The following GGT1 variants were observed in gnomAD, a reference collection of about 807,000 sequenced individuals.
The protein encoded by GGT1 is gamma-glutamyltransferase 1, also known as glutathione hydrolase 1 proenzyme.
In GGT1, 21 loss-of-function variants were observed where a neutral mutation model predicts 56.0. That is an observed-to-expected ratio of 0.38 (90% CI 0.27 to 0.54). The LOEUF (loss-of-function observed/expected upper bound fraction) is 0.54, where lower values mean the gene tolerates loss of function less well. Ranked by LOEUF, GGT1 falls within the 20% of genes least tolerant of loss-of-function variation. The pLI is 0.82. For synonymous variants in GGT1, 238 were observed against 342.6 expected, an observed-to-expected ratio of 0.69 and a Z score of 3.37; for missense variants, 466 against 787.0, an observed-to-expected ratio of 0.59 and a Z score of 4.88.
At chr22:24,611,770 A>C (rs957791556) in intron 5 of GGT1, among the ~76,000 whole-genome samples, 1 of 123,742 alleles carries the variant, frequency 8.1e-6, no homozygotes, top group Non-Finnish European at 1.7e-5. Context: ...ACGCCCAACA[A>C]ATTTGTGTGT....
At chr22:24,613,534 G>A (rs571852583) in intron 5 of GGT1, among the ~76,000 whole-genome samples, 10 of 149,924 alleles carry the variant, frequency 6.7e-5, no homozygotes, top group Admixed American at 1.3e-4. Flanking sequence ...CAGACCACCC[G>A]AGGTCAGGAG....
Position 24,605,999 on chromosome 22 carries a change from T to A in GGT1, c.-428-1955T>A, listed in dbSNP as rs558253663. The stretch of plus-strand genomic sequence containing the variant: ...ATATCATATATTATATTTATATAAT[T>A]TATATAATATATCATATATTATATT... On this transcript the variant is annotated intron_variant, in intron 1 of 15. Transcript: ENST00000400382. 3.4e-5 allele frequency among the ~76,000 whole-genome samples: 2 copies of A among 59,584 alleles called. 1 individual carries two copies. The highest frequency in any genetic ancestry group is 5.7e-5 in the Non-Finnish European group (2 of 35,118). The allele number at this position is 59,584 out of a possible 152,430, so 39.1% of individuals were successfully genotyped here. A position where few individuals can be genotyped will look rare whatever the true frequency, so the allele number is the denominator to read the frequency against.
chr22:24,615,314 G>A (rs1430929943), intron 7 of GGT1, among the ~76,000 whole-genome samples, 187 bp downstream of exon 7: 6 of 152,272 alleles, frequency 3.9e-5, no homozygotes, highest in East Asian at 3.9e-4. Flanking sequence ...GTAAAGGGCC[G>A]GGAGCTTCTG....
rs755519106 is a variant in GGT1 at position 24,615,025 on chromosome 22, C to T, written c.296-16C>T. On this transcript the variant is annotated splice_polypyrimidine_tract_variant and intron_variant, in intron 6 of 15. Coordinates refer to ENST00000400382, the MANE Select transcript of GGT1 (RefSeq NM_001288833.2). ...GGTTTGGGTGGGCGGGCCTGCCTAC[C>T]TGCTTCTCCTTCTAGGAAAAGCTGA... is the stretch of plus-strand genomic sequence containing the variant. 146 of 1,609,022 alleles carry T rather than the reference C, an allele frequency of 9.1e-5. No homozygotes were observed. In the Middle Eastern group the frequency reaches 1.2e-3, roughly 14 times the overall value.
At chr22:24,621,119 C>T (rs772247661) in intron 9 of GGT1, 49 bp downstream of exon 9, 2 of 1,544,364 alleles carry the variant, frequency 1.3e-6, no homozygotes, top group South Asian at 2.4e-5. Context: ...GCAGTGGAAA[C>T]CCTGAGCTGT....
At chr22:24,621,724 G>A (rs536137214) in intron 9 of GGT1, among the ~76,000 whole-genome samples, 2 of 152,280 alleles carry the variant, frequency 1.3e-5, no homozygotes, top group South Asian at 2.1e-4. Flanking sequence ...GAGGCCAAGC[G>A]GCAGGGAGAC....
chr22:24,588,800 T>C, the GGT1 span: 6 of 1,016,078 alleles, frequency 5.9e-6, no homozygotes, highest in Non-Finnish European at 5.9e-6. Context: ...CAAGCGAGAC[T>C]GCGCCTGCGG....
chr22:24,594,337 G>A (rs1171708247), upstream of GGT1, among the ~76,000 whole-genome samples: 1 of 151,920 alleles, frequency 6.6e-6, no homozygotes. Flanking sequence ...TGCAGGAAGG[G>A]CTGAGCACTG....
At chr22:24,586,328 T>G in the GGT1 span, 6 of 1,613,850 alleles carry the variant, frequency 3.7e-6, no homozygotes, top group African/African-American at 8.0e-5. Flanking sequence ...TGTGATGTGT[T>G]GCACGTCCTG....
At chr22:24,589,189 C>T in the GGT1 span, 2 of 1,197,678 alleles carry the variant, frequency 1.7e-6, no homozygotes, top group African/African-American at 1.6e-5. Context: ...TGGCTGGTCA[C>T]AGCCACACAT....
intron 1 of GGT1, among the ~76,000 whole-genome samples, chr22:24,607,331 C>T (rs970737122): frequency 6.6e-6 from 1 of 152,098 alleles, no homozygotes; most frequent in Admixed American, 6.6e-5. Context: ...ACTACTCCAC[C>T]GCCTCCAGAG....
chr22:24,592,359 G>A (rs1169857806), upstream of GGT1: 3 of 470,764 alleles, frequency 6.4e-6, no homozygotes, highest in Non-Finnish European at 1.3e-5. Context: ...ATGGTGTCTT[G>A]GGGTGAGGCT....
rs1232281995 is a variant in GGT1 at position 24,614,889 on chromosome 22, T to C, written c.278T>C (p.Ile93Thr). 3 of 1,613,118 alleles carry C rather than the reference T, an allele frequency of 1.9e-6. No individual in the cohort carries two copies. The highest frequency in any genetic ancestry group is 2.5e-6 in the Non-Finnish European group (3 of 1,179,690). ...ATCGGGGGTGGCCTCTTCCTCACCA[T>C]CTACAACAGCACCACACGTGAGTGC... is the stretch of plus-strand genomic sequence containing the variant. ...MGIGGGLFLT[I>T]YNSTTRKAEV... Residue 93 changes from isoleucine (I) to threonine (T), a missense_variant, in exon 6 of 16, where the codon ATC (isoleucine) becomes ACC (threonine). By Grantham distance (89) the Ile-to-Thr change is moderately conservative (BLOSUM62 -1). Transcript: ENST00000400382.
At chr22:24,599,356 C>T (rs1292503558), upstream of GGT1, 1 of 150,418 alleles carries the variant, frequency 6.6e-6, no homozygotes, top group African/African-American at 2.5e-5. Flanking sequence ...TATCCAGCTG[C>T]CCCACTCCAA....
chr22:24,589,502 G>T, the GGT1 span: 3 of 519,360 alleles, frequency 5.8e-6, no homozygotes, highest in South Asian at 7.2e-5. Context: ...TCTGTGACCC[G>T]CAGGGTCCCC....
At chr22:24,599,835 G>A (rs558090048), upstream of GGT1, among the ~76,000 whole-genome samples, 6 of 152,370 alleles carry the variant, frequency 3.9e-5, no homozygotes, top group African/African-American at 1.4e-4. Context: ...AAAAGTCCAG[G>A]TGAGAGCATG....
At chr22:24,618,401 GC>G (rs1352948131) in intron 7 of GGT1, among the ~76,000 whole-genome samples, 2 of 152,120 alleles carry the variant, frequency 1.3e-5, no homozygotes, top group Non-Finnish European at 2.9e-5. Flanking sequence ...AACCAGCCTG[GC>G]CAACATGGCA....
At chr22:24,588,970 C>T in the GGT1 span, 1 of 1,010,144 alleles carries the variant, frequency 9.9e-7, no homozygotes, top group South Asian at 3.9e-5. Flanking sequence ...TCCACTGCAT[C>T]CTTTATCCAG....
chr22:24,602,454 G>A (rs1291131402), upstream of GGT1, among the ~76,000 whole-genome samples: 1 of 152,240 alleles, frequency 6.6e-6, no homozygotes, highest in Non-Finnish European at 1.5e-5. Flanking sequence ...ATACTGGCAG[G>A]CTGCAGACCA....
Sources: allele counts gnomAD v4.1 joint callset (sites outside exome capture counted in the v4.1 genomes callset), GRCh38; gene constraint gnomAD v4.1.1; transcripts MANE v1.5; gene names NCBI Gene and HGNC (gene_info 2026-07-23, HGNC 2026-07-21).